The following FRS2 variants were observed in gnomAD, a reference collection of about 807,000 sequenced individuals.
The protein encoded by FRS2 is FGFR signalling adaptor.
In FRS2, 8 loss-of-function variants were observed where a neutral mutation model predicts 43.9. The observed-to-expected ratio is 0.18, with a 90% CI of 0.11 to 0.33. FRS2 has a LOEUF of 0.33. Ranked by LOEUF, FRS2 falls within the 10% of genes least tolerant of loss-of-function variation. The pLI is 1.00. For missense variants in FRS2, 534 were observed against 627.6 expected, an observed-to-expected ratio of 0.85 and a Z score of 1.59; for synonymous variants, 219 against 220.3, an observed-to-expected ratio of 0.99 and a Z score of 0.05.
intron 1 of FRS2, among the ~76,000 whole-genome samples, chr12:69,516,343 G>A (rs1476096002): frequency 6.6e-6 from 1 of 151,562 alleles, no homozygotes; most frequent in African/African-American, 2.4e-5. Context: ...CTCAGCCTCC[G>A]GAGTAGCTGG....
At chr12:69,497,249 G>A (rs774432884) in intron 1 of FRS2, among the ~76,000 whole-genome samples, 21 of 152,214 alleles carry the variant, frequency 1.4e-4, no homozygotes, top group South Asian at 2.1e-4. Context: ...TTGGTGAAAG[G>A]GTTGGAATGT....
chr12:69,472,184 T>G (rs1870363427), intron 1 of FRS2, among the ~76,000 whole-genome samples: 1 of 151,848 alleles, frequency 6.6e-6, no homozygotes, highest in East Asian at 1.9e-4. Flanking sequence ...ACTCCTGGAC[T>G]CAAGCAGTCC....
At chr12:69,550,387 G>A (rs887436594) in intron 3 of FRS2, among the ~76,000 whole-genome samples, 1 of 152,186 alleles carries the variant, frequency 6.6e-6, no homozygotes, top group African/African-American at 2.4e-5. Context: ...ACCATATGAA[G>A]TGTAGGGAGT....
At position 69,569,081 on chromosome 12, in the gene FRS2, T is replaced by A; in HGVS notation, c.51T>A (p.His17Gln). The A allele has an allele frequency of 6.2e-7, 1 of 1,610,596 alleles. No individual in the cohort carries two copies. The highest frequency in any genetic ancestry group is 1.7e-5 in the Admixed American group (1 of 59,862). ...ATAAAGACACTGTCCCAGATAACCA[T>A]CGGAACAAGTTTAAGGTCAGTAAAA... The part of the protein sequence containing the change: ...CPDKDTVPDN[H>Q]RNKFKVINVD... Residue 17 changes from histidine to glutamine, a missense_variant, in exon 5 of 9, where the codon CAT becomes CAA. Physicochemically the swap from His to Gln is conservative, Grantham distance 24. Transcript: ENST00000549921.
At chr12:69,493,537 A>G (rs1872638646) in intron 1 of FRS2, among the ~76,000 whole-genome samples, 1 of 152,244 alleles carries the variant, frequency 6.6e-6, no homozygotes, top group Non-Finnish European at 1.5e-5. Flanking sequence ...CCTGACCAGC[A>G]TAAAGAAACC....
At chr12:69,491,512 T>G (rs1214712006) in intron 1 of FRS2, 1 of 142,852 alleles carries the variant, frequency 7.0e-6, no homozygotes, top group Non-Finnish European at 1.5e-5. Context: ...TCCATTTTTT[T>G]TTTTTTTTTT....
intron 1 of FRS2, among the ~76,000 whole-genome samples, chr12:69,493,865 A>G (rs989415114): frequency 6.6e-6 from 1 of 152,242 alleles, no homozygotes; most frequent in Non-Finnish European, 1.5e-5. Flanking sequence ...GGATTTAATC[A>G]GGAAAATATG....
rs1259442589 is a variant in FRS2 at position 69,515,429 on chromosome 12, A to G, written c.-260-15436A>G. Among the ~76,000 whole-genome samples the G allele has an allele frequency of 3.3e-5, 5 of 152,360 alleles. No homozygotes were observed. The East Asian group carries it at 5.8e-4, about 18-fold the overall frequency. ...ATAATTCACTTTGCCTCAGACTACA[A>G]CCTGATAAAATGCTTTGTTTCTGAA... is the stretch of plus-strand genomic sequence containing the variant. On this transcript the variant is annotated intron_variant, in intron 1 of 8. Coordinates refer to ENST00000549921, the MANE Select transcript of FRS2 (RefSeq NM_001278356.2).
chr12:69,485,080 A>AC (rs1555183141), intron 1 of FRS2, among the ~76,000 whole-genome samples: 2 of 27,690 alleles, frequency 7.2e-5, no homozygotes, highest in African/African-American at 4.2e-4. Flanking sequence ...ACCTCATCTT[A>AC]AAACACACAC....
rs1279259970 is a variant in FRS2, at chr12:69,489,648, G to C, written c.-261+19118G>C. On this transcript the variant is annotated intron_variant, in intron 1 of 8. Transcript: ENST00000549921. ...CCATGCCACTGCACTCCAGCCTGGG[G>C]ACAGAGCAAGACTCCATCTCAAAAA... Among the ~76,000 whole-genome samples the C allele has an allele frequency of 2.0e-5, 3 of 146,992 alleles. No individual in the cohort carries two copies. The South Asian group carries it at 6.4e-4, about 32-fold the overall frequency.
At chr12:69,493,919 T>G (rs1359129981) in intron 1 of FRS2, among the ~76,000 whole-genome samples, 1 of 152,206 alleles carries the variant, frequency 6.6e-6, no homozygotes, top group Non-Finnish European at 1.5e-5. Flanking sequence ...TCATCTGCAT[T>G]CCATTAATAT....
At chr12:69,537,490 G>C (rs487694) in intron 3 of FRS2, among the ~76,000 whole-genome samples, 14,203 of 152,094 alleles carry the variant, frequency 0.093, 875 homozygotes, top group Non-Finnish European at 0.14. Context: ...GTTTTCTCAT[G>C]ATATTGAAGA....
chr12:69,536,369 C>T (rs549222836), intron 3 of FRS2, among the ~76,000 whole-genome samples: 2 of 151,762 alleles, frequency 1.3e-5, no homozygotes, highest in East Asian at 1.9e-4. Context: ...GGTGATCGCC[C>T]GCCTCAGCCT....
At chr12:69,511,218 CTG>C (rs1418005225) in intron 1 of FRS2, among the ~76,000 whole-genome samples, 47 of 152,312 alleles carry the variant, frequency 3.1e-4, no homozygotes, top group African/African-American at 1.1e-3. Context: ...CCCTCAGAGA[CTG>C]TGTGCTAAGG....
intron 1 of FRS2, among the ~76,000 whole-genome samples, chr12:69,471,814 C>T (rs907117154): frequency 1.3e-5 from 2 of 152,232 alleles, no homozygotes; most frequent in Non-Finnish European, 2.9e-5. Flanking sequence ...ACGCTATCTG[C>T]AACTCTCATC....
At chr12:69,557,619 T>TGTGTGTGTGTGTGTGTGTGCGCGC (rs1555192498) in intron 3 of FRS2, among the ~76,000 whole-genome samples, 2 of 118,966 alleles carry the variant, frequency 1.7e-5, no homozygotes, top group African/African-American at 5.7e-5. Context: ...TGTGTGTGTG[T>TGTGTGTGTGTGTGTGTGTGCGCGC]GCGCGCGCGC....
intron 2 of FRS2, 68 bp from the exon 3 acceptor site, chr12:69,531,946 G>A (rs1221850361): frequency 6.6e-6 from 1 of 152,538 alleles, no homozygotes; most frequent in Non-Finnish European, 1.5e-5. Context: ...TTAGCATTTT[G>A]TAATTTTTCA....
rs1408684321 is a variant in FRS2 at position 69,578,086 on chromosome 12, A to G, written c.*3131A>G. On this transcript the variant is annotated 3_prime_UTR_variant, in exon 9 of 9. Coordinates refer to ENST00000549921, the MANE Select transcript of FRS2 (RefSeq NM_001278356.2). Reference sequence around the variant, plus strand: ...CCTTATGTTTTCATAATTTCCCAACAATGTGCCGCCATATTTTTGCCTCAA... The same window carrying G: ...CCTTATGTTTTCATAATTTCCCAACGATGTGCCGCCATATTTTTGCCTCAA... The G allele has an allele frequency of 1.3e-5, 2 of 152,610 alleles. No individual in the cohort carries two copies. Among genetic ancestry groups the G allele is most frequent in the African/African-American group, 4.8e-5 (2 of 41,456 alleles). The allele number at this position is 152,610 out of a possible 1,614,324, so 9.5% of individuals were successfully genotyped here.
chr12:69,562,900 G>A (rs1256742935), intron 4 of FRS2, among the ~76,000 whole-genome samples: 1 of 151,980 alleles, frequency 6.6e-6, no homozygotes, highest in Non-Finnish European at 1.5e-5. Context: ...TGTTGCCCAG[G>A]CTGGTCTTGA....
Sources: allele counts gnomAD v4.1 joint callset (sites outside exome capture counted in the v4.1 genomes callset), GRCh38; gene constraint gnomAD v4.1.1; transcripts MANE v1.5; gene names NCBI Gene and HGNC (gene_info 2026-07-23, HGNC 2026-07-21).